Variants in HKDC1 observed in about 807,000 individuals in gnomAD.
HKDC1 encodes hexokinase domain containing 1, also known as hexokinase HKDC1.
In HKDC1, 66 loss-of-function variants were observed where a neutral mutation model predicts 96.6. That is an observed-to-expected ratio of 0.68 (90% CI 0.56 to 0.84). The LOEUF (loss-of-function observed/expected upper bound fraction) is 0.84, where lower values mean the gene tolerates loss of function less well. Ranked by LOEUF, HKDC1 falls within the 40% of genes least tolerant of loss-of-function variation. The probability of loss-of-function intolerance (pLI) is 0.00; values close to 1 mark genes in which losing one functional copy is unlikely to be tolerated. For synonymous variants in HKDC1, 466 were observed against 473.1 expected, an observed-to-expected ratio of 0.98 and a Z score of 0.20; for missense variants, 1,211 against 1,208.1, an observed-to-expected ratio of 1.00 and a Z score of -0.04.
At chr10:69,256,706 CAA>C (rs904646042) in intron 12 of HKDC1, among the ~76,000 whole-genome samples, 1 of 139,614 alleles carries the variant, frequency 7.2e-6, no homozygotes. Context: ...AATTCTATCT[CAA>C]AAAAAAAAAG....
chr10:69,250,336 G>T lies in HKDC1; in HGVS notation c.1617G>T (p.Arg539=). 6.2e-7 allele frequency: 1 copy of T among 1,614,104 alleles called. No individual in the cohort carries two copies. The highest frequency in any genetic ancestry group is 8.5e-7 in the Non-Finnish European group (1 of 1,179,984). Residue 539 remains arginine, a synonymous_variant, in exon 11 of 18, where the codon CGG becomes CGT. Coordinates refer to ENST00000354624, the MANE Select transcript of HKDC1 (RefSeq NM_025130.4). ...TGGATCTTGGGGGAACCAACTTCCG[G>T]GTCCTCCTGGTGAAGATCAGAAGTG... ...LALDLGGTNF[R]VLLVKIRSGR... is the part of the protein sequence containing the mutation.
Position 69,250,657 on chromosome 10 carries a change from GAT to G in HKDC1, c.1836+7_1836+8del. ...AGGCAGATGAGCATTGACAAGGTAA[GAT>G]AGCCCCACCAGGCTCACGGCCAGCC... On this transcript the variant is annotated splice_donor_region_variant and intron_variant, in intron 12 of 17. Transcript: ENST00000354624. The G allele has an allele frequency of 6.2e-7, 1 of 1,613,278 alleles. No individual in the cohort carries two copies. The highest frequency in any genetic ancestry group is 8.5e-7 in the Non-Finnish European group (1 of 1,179,982).
chr10:69,263,346 G>T (rs1843839268), intron 16 of HKDC1, among the ~76,000 whole-genome samples: 1 of 152,114 alleles, frequency 6.6e-6, no homozygotes, highest in Non-Finnish European at 1.5e-5. Flanking sequence ...CCATCCATCT[G>T]CCTAGAACTC....
chr10:69,229,292 T>C (rs1439656622), intron 2 of HKDC1, among the ~76,000 whole-genome samples: 2 of 152,238 alleles, frequency 1.3e-5, no homozygotes, highest in Non-Finnish European at 2.9e-5. Context: ...AGCTTGGCTC[T>C]GCTGGTTGAG....
At chr10:69,265,402 C>T (rs1843879241) in intron 16 of HKDC1, 183 bp from the exon 17 acceptor site, 4 of 614,212 alleles carry the variant, frequency 6.5e-6, no homozygotes, top group Non-Finnish European at 1.1e-5. Context: ...ATGGAACTTC[C>T]AGGGGTGGTG....
At chr10:69,248,305 T>A in intron 9 of HKDC1, 119 bp from the exon 10 acceptor site, 38 of 972,502 alleles carry the variant, frequency 3.9e-5, no homozygotes, top group Non-Finnish European at 5.6e-5. Context: ...CATCAGCAAA[T>A]AAAGGGCTGA....
In HKDC1 at chr10:69,243,254, T is replaced by G; in HGVS notation, c.764T>G (p.Met255Arg). ...CTGGTGGAGGGCGACGAGGGCAGGATGTGCATCAACACAGAGTGGGGGGCC... is the reference window on the plus strand; with the variant it reads ...CTGGTGGAGGGCGACGAGGGCAGGAGGTGCATCAACACAGAGTGGGGGGCC... The part of the protein sequence containing the change: ...IDLVEGDEGR[M>R]CINTEWGAFG... Residue 255 changes from methionine to arginine, a missense_variant, in exon 7 of 18, where the codon ATG (methionine) becomes AGG (arginine). Met to Arg is a moderately conservative substitution (Grantham distance 91). Transcript: ENST00000354624. The G allele has an allele frequency of 6.2e-7, 1 of 1,614,200 alleles. No homozygotes were observed. Among genetic ancestry groups the G allele is most frequent in the Non-Finnish European group, 8.5e-7 (1 of 1,180,026 alleles).
At chr10:69,252,973 CGTGTGTGT>C (rs57083436) in intron 12 of HKDC1, among the ~76,000 whole-genome samples, 4,967 of 140,244 alleles carry the variant, frequency 0.035, 96 homozygotes, top group Non-Finnish European at 0.047. Flanking sequence ...CATCTCTAAA[CGTGTGTGT>C]GTGTGTGTGT....
In HKDC1 at chr10:69,266,820, G is replaced by C; in HGVS notation, c.*63G>C. ...GAACAGCTTTTCCTCTGGCAGATCA[G>C]TTGGTCAGAGACCAATGGGCACCCT... is the stretch of plus-strand genomic sequence containing the variant. On this transcript the variant is annotated 3_prime_UTR_variant, in exon 18 of 18. Coordinates refer to ENST00000354624, the MANE Select transcript of HKDC1 (RefSeq NM_025130.4). 6.5e-7 allele frequency: 1 copy of C among 1,544,464 alleles called. No individual in the cohort carries two copies. The highest frequency in any genetic ancestry group is 8.8e-7 in the Non-Finnish European group (1 of 1,139,964).
At chr10:69,241,552 T>C (rs948767373) in intron 6 of HKDC1, among the ~76,000 whole-genome samples, 3 of 152,234 alleles carry the variant, frequency 2.0e-5, no homozygotes, top group Non-Finnish European at 4.4e-5. Context: ...GGCACAGTCT[T>C]GGCTTACTGC....
At chr10:69,253,321 A>G (rs1247967334) in intron 12 of HKDC1, among the ~76,000 whole-genome samples, 2 of 152,182 alleles carry the variant, frequency 1.3e-5, no homozygotes, top group Admixed American at 1.3e-4. Context: ...GGAGGGAGAC[A>G]GTTTGCAGCC....
chr10:69,264,418 G>A (rs1843859089), intron 16 of HKDC1, among the ~76,000 whole-genome samples: 1 of 150,238 alleles, frequency 6.7e-6, no homozygotes, highest in African/African-American at 2.5e-5. Context: ...CTATTACCCA[G>A]GCTGGAGTAC....
intron 14 of HKDC1, among the ~76,000 whole-genome samples, chr10:69,257,772 CCTCTTCTGTT>C (rs1316965774): frequency 6.6e-6 from 1 of 152,090 alleles, no homozygotes; most frequent in Non-Finnish European, 1.5e-5. Context: ...CCAATGTGTG[CCTCTTCTGTT>C]CTCTGAATTC....
chr10:69,244,264 G>A (rs1211116169), intron 7 of HKDC1, among the ~76,000 whole-genome samples: 1 of 152,234 alleles, frequency 6.6e-6, no homozygotes, highest in East Asian at 1.9e-4. Context: ...ACCGTAAGAC[G>A]TTCCCGGCTC....
chr10:69,236,406 C>T lies in HKDC1; in HGVS notation c.496-2636C>T, dbSNP rs181953124. On this transcript the variant is annotated intron_variant, in intron 4 of 17. Coordinates refer to ENST00000354624, the MANE Select transcript of HKDC1 (RefSeq NM_025130.4). ...TGCAGGCGTGGTGAGCCACTGTGCC[C>T]GGCCCATTTTGACCCACTTAGTGTC... is the stretch of plus-strand genomic sequence containing the variant. 5.7e-4 allele frequency among the ~76,000 whole-genome samples: 86 copies of T among 151,642 alleles called. No homozygotes were observed. The East Asian group carries it at 0.012, about 21-fold the overall frequency.
chr10:69,233,217 A>T lies in HKDC1; in HGVS notation c.495+84A>T, dbSNP rs773316699. 3.4e-4 allele frequency: 514 copies of T among 1,533,578 alleles called. 1 individual carries two copies. The highest frequency in any genetic ancestry group is 4.5e-4 in the Non-Finnish European group (507 of 1,134,368). 95.0% of individuals were successfully genotyped at this position (1,533,578 alleles called of 1,614,324 possible). On this transcript the variant is annotated intron_variant, in intron 4 of 17. Transcript: ENST00000354624. The stretch of plus-strand genomic sequence containing the variant: ...GTGGGAGTCAGGCTGCACGCAGGAG[A>T]GAACAGCAGGAGCTTTCTTGTTTGT...
chr10:69,265,851 C>T (rs1843890328), intron 17 of HKDC1, 33 bp downstream of exon 17: 2 of 1,177,332 alleles, frequency 1.7e-6, no homozygotes, highest in Non-Finnish European at 2.4e-6. Flanking sequence ...GCGGGTGGGG[C>T]TGGGGAGGGC....
At chr10:69,245,907 AG>A (rs770660806) in intron 7 of HKDC1, among the ~76,000 whole-genome samples, 171 bp from the exon 8 acceptor site, 3 of 152,244 alleles carry the variant, frequency 2.0e-5, no homozygotes, top group Non-Finnish European at 4.4e-5. Context: ...ACCCATGGCC[AG>A]GGTGATTTGA....
chr10:69,231,243 A>G (rs553237475), intron 2 of HKDC1, among the ~76,000 whole-genome samples: 51 of 152,088 alleles, frequency 3.4e-4, no homozygotes, highest in Non-Finnish European at 7.2e-4. Context: ...TGTCAGAGGC[A>G]TTTGTCCCCA....
Sources: gnomAD v4.1 joint callset for allele counts (sites outside exome capture counted in the v4.1 genomes callset) on GRCh38, gnomAD v4.1.1 for gene constraint, MANE v1.5 for transcripts, NCBI Gene and HGNC (gene_info 2026-07-23, HGNC 2026-07-21) for gene names.